Variants in CDH8 observed in about 807,000 individuals in gnomAD.
CDH8 encodes the protein cadherin-8.
A neutral mutation model predicts 68.1 loss-of-function variants in CDH8; 17 were observed. That is an observed-to-expected ratio of 0.25 (90% confidence interval 0.17 to 0.37). The LOEUF is 0.37. Ranked by LOEUF, CDH8 falls within the 10% of genes least tolerant of loss-of-function variation. CDH8 has a pLI of 1.00. For missense variants in CDH8, 763 were observed against 999.3 expected, an observed-to-expected ratio of 0.76 and a Z score of 3.19; for synonymous variants, 372 against 365.1, an observed-to-expected ratio of 1.02 and a Z score of -0.21.
intron 8 of CDH8, among the ~76,000 whole-genome samples, chr16:61,730,841 C>T (rs1226750534): frequency 6.6e-6 from 1 of 151,662 alleles, no homozygotes; most frequent in Non-Finnish European, 1.5e-5. Flanking sequence ...AGAAAGCCAT[C>T]TTAACACACC....
At chr16:61,812,849 G>C (rs1029461077) in intron 7 of CDH8, among the ~76,000 whole-genome samples, 1 of 152,018 alleles carries the variant, frequency 6.6e-6, no homozygotes, top group Non-Finnish European at 1.5e-5. Context: ...CTCGTCCTGC[G>C]TTTACGTGCT....
intron 8 of CDH8, among the ~76,000 whole-genome samples, chr16:61,756,821 A>G (rs1960332360): frequency 6.6e-6 from 1 of 152,196 alleles, no homozygotes; most frequent in South Asian, 2.1e-4. Flanking sequence ...GGCTTTGGAA[A>G]TGGGATTCTC....
At chr16:62,003,837 C>T (rs1965932222) in intron 2 of CDH8, among the ~76,000 whole-genome samples, 1 of 152,158 alleles carries the variant, frequency 6.6e-6, no homozygotes, top group South Asian at 2.1e-4. Context: ...TTCTTCTTCT[C>T]CTTAAATATT....
chr16:61,914,855 C>T (rs1444282298), intron 2 of CDH8, among the ~76,000 whole-genome samples: 3 of 152,040 alleles, frequency 2.0e-5, no homozygotes, highest in East Asian at 1.9e-4. Context: ...AGAAACGCAA[C>T]CCAGTCAGAC....
intron 6 of CDH8, among the ~76,000 whole-genome samples, chr16:61,818,712 C>T (rs1962139157): frequency 6.6e-6 from 1 of 152,142 alleles, no homozygotes; most frequent in African/African-American, 2.4e-5. Context: ...TTCAAGAATG[C>T]AAGTCTGTCG....
intron 2 of CDH8, among the ~76,000 whole-genome samples, chr16:62,016,463 TA>T (rs1465853732): frequency 2.6e-5 from 4 of 152,220 alleles, no homozygotes; most frequent in Non-Finnish European, 5.9e-5. Flanking sequence ...CTGTCTACCA[TA>T]AAGAGTATCT....
chr16:61,705,438 C>T (rs1367372220), intron 10 of CDH8, among the ~76,000 whole-genome samples: 1 of 152,154 alleles, frequency 6.6e-6, no homozygotes. Context: ...AGTTCACTGC[C>T]AGTACTTTAT....
chr16:62,018,741 C>T (rs1032210853), intron 2 of CDH8, among the ~76,000 whole-genome samples: 5 of 152,058 alleles, frequency 3.3e-5, no homozygotes, highest in African/African-American at 1.2e-4. Context: ...GGTAGGAAAC[C>T]GTGAAAAGGC....
intron 8 of CDH8, among the ~76,000 whole-genome samples, chr16:61,761,893 G>A (rs529064043): frequency 6.6e-5 from 10 of 152,046 alleles, no homozygotes; most frequent in South Asian, 2.1e-4. Flanking sequence ...TCAGCTACTC[G>A]GGAGGCTGAG....
At chr16:62,025,216 T>C (rs755846277) in intron 1 of CDH8, among the ~76,000 whole-genome samples, 1 of 152,238 alleles carries the variant, frequency 6.6e-6, no homozygotes, top group Non-Finnish European at 1.5e-5. Flanking sequence ...CTAGGATCTC[T>C]GAATGAATCA....
chr16:61,694,507 T>C (rs1476018803), intron 10 of CDH8, among the ~76,000 whole-genome samples: 1 of 152,084 alleles, frequency 6.6e-6, no homozygotes, highest in East Asian at 1.9e-4. Flanking sequence ...GGTTTGGTCA[T>C]ATTAGGAGTA....
intron 8 of CDH8, among the ~76,000 whole-genome samples, chr16:61,740,211 G>A (rs145917686): frequency 2.0e-3 from 300 of 151,848 alleles, no homozygotes; most frequent in Admixed American, 4.5e-3. Flanking sequence ...GGCCAATATA[G>A]TATTTTTAAT....
At chr16:61,690,989 T>A (rs144198420) in intron 10 of CDH8, among the ~76,000 whole-genome samples, 3 of 152,172 alleles carry the variant, frequency 2.0e-5, no homozygotes, top group Non-Finnish European at 4.4e-5. Flanking sequence ...AGGCTGCTCC[T>A]CACTTTATAG....
chr16:61,902,753 G>C (rs1320549734), intron 2 of CDH8, among the ~76,000 whole-genome samples: 1 of 152,002 alleles, frequency 6.6e-6, no homozygotes, highest in East Asian at 1.9e-4. Context: ...ACATAAAATA[G>C]CAACAAAGAT....
At position 61,909,935 on chromosome 16, in the gene CDH8, A is replaced by G. The variant is rs1051019140; in HGVS notation, c.253-8462T>C. Among the ~76,000 whole-genome samples, 5 of 152,326 alleles carry G rather than the reference A, an allele frequency of 3.3e-5. No homozygotes were observed. The South Asian group carries it at 1.0e-3, about 32-fold the overall frequency. ...TGTTCATGGCCTTGGCAAATTTTCTACTATCTTCGGTCTGGACCGCAGTTT... is the reference window on the plus strand; with the variant it reads ...TGTTCATGGCCTTGGCAAATTTTCTGCTATCTTCGGTCTGGACCGCAGTTT... On this transcript the variant is annotated intron_variant, in intron 2 of 11. Transcript: ENST00000577390.
At chr16:61,986,364 C>CT (rs924723354) in intron 2 of CDH8, among the ~76,000 whole-genome samples, 4 of 151,960 alleles carry the variant, frequency 2.6e-5, no homozygotes, top group African/African-American at 7.3e-5. Flanking sequence ...TCCTTCACTC[C>CT]TTTTTTTTCT....
At chr16:62,035,561 G>T (rs1229116737) in intron 1 of CDH8, among the ~76,000 whole-genome samples, 2 of 152,182 alleles carry the variant, frequency 1.3e-5, no homozygotes, top group Non-Finnish European at 2.9e-5. Flanking sequence ...GCCCTGCCGC[G>T]GGGGTCGCCC....
At chr16:61,927,401 C>G (rs958644804) in intron 2 of CDH8, among the ~76,000 whole-genome samples, 1 of 151,904 alleles carries the variant, frequency 6.6e-6, no homozygotes, top group Admixed American at 6.6e-5. Flanking sequence ...ACACACTGTA[C>G]ATATTTTTAA....
Position 61,653,328 on chromosome 16 carries a change from C to T in CDH8, c.*280G>A. ...CATTTATCTAAGGATTAGCCAGGAT[C>T]CCAATCTTTGTCTGTGGTGGTCAGG... On this transcript the variant is annotated 3_prime_UTR_variant, in exon 12 of 12. Transcript: ENST00000577390. 1 of 1,214,428 alleles carries T rather than the reference C, an allele frequency of 8.2e-7. No homozygotes were observed. The allele number at this position is 1,214,428 out of a possible 1,614,324, so 75.2% of individuals were successfully genotyped here. A position where few individuals can be genotyped will look rare whatever the true frequency, so the allele number is the denominator to read the frequency against.
Sources: allele counts gnomAD v4.1 joint callset (sites outside exome capture counted in the v4.1 genomes callset), GRCh38; gene constraint gnomAD v4.1.1; transcripts MANE v1.5; gene names NCBI Gene and HGNC (gene_info 2026-07-23, HGNC 2026-07-21).